Variants in NAT8L observed in about 807,000 individuals in gnomAD.
The protein encoded by NAT8L is aspartate N-acetyltransferase, also known as N-acetylaspartate synthetase.
Under a neutral mutation model 21.2 loss-of-function variants are expected in NAT8L, and 6 were observed. That is an observed-to-expected ratio of 0.28 (90% CI 0.16 to 0.56). NAT8L has a LOEUF of 0.56. Ranked by LOEUF, NAT8L falls within the 20% of genes least tolerant of loss-of-function variation. The probability of loss-of-function intolerance (pLI) is 0.93; values close to 1 mark genes in which losing one functional copy is unlikely to be tolerated. For synonymous variants in NAT8L, 239 were observed against 204.9 expected (o/e 1.17, Z -1.42); for missense variants, 331 against 433.3 (o/e 0.76, Z 2.10).
rs1380257615 is a variant in NAT8L at position 2,059,438 on chromosome 4, G to T, written c.-74G>T. 1.9e-5 allele frequency: 13 copies of T among 677,196 alleles called. No individual in the cohort carries two copies. The highest frequency in any genetic ancestry group is 2.3e-5 in the Non-Finnish European group (13 of 554,032). The allele number at this position is 677,196 out of a possible 1,614,324, so 41.9% of individuals were successfully genotyped here. A position where few individuals can be genotyped will look rare whatever the true frequency, so the allele number is the denominator to read the frequency against. Reference sequence around the variant, plus strand: ...GCCGCCGCGGGTCCGAGGGCGCCGCGCCCTTGCCCTGGGCCCGGCCGTGCC... The same window carrying T: ...GCCGCCGCGGGTCCGAGGGCGCCGCTCCCTTGCCCTGGGCCCGGCCGTGCC... On this transcript the variant is annotated 5_prime_UTR_variant, in exon 1 of 3. Coordinates refer to ENST00000423729, the MANE Select transcript of NAT8L (RefSeq NM_178557.4). The surrounding 1 kb of genome is among the most constrained non-coding windows in gnomAD (Gnocchi z 4.8).
In NAT8L at chr4:2,064,303, G is replaced by A. The variant is rs1019755455; in HGVS notation, c.*176G>A. The A allele has an allele frequency of 3.2e-6, 1 of 308,060 alleles. No homozygotes were observed. The highest frequency in any genetic ancestry group is 2.3e-5 in the African/African-American group (1 of 44,176). 19.1% of individuals were successfully genotyped at this position (308,060 alleles called of 1,614,324 possible). A position where few individuals can be genotyped will look rare whatever the true frequency, so the allele number is the denominator to read the frequency against. On this transcript the variant is annotated 3_prime_UTR_variant, in exon 3 of 3. Coordinates refer to ENST00000423729, the MANE Select transcript of NAT8L (RefSeq NM_178557.4). ...GGGGGTGCGGGGCTGTTGTTCTTCG[G>A]CGACACTTTGGTGGGGGTGGGTTGT... is the stretch of plus-strand genomic sequence containing the variant.
chr4:2,059,432 C>T lies in NAT8L; in HGVS notation c.-80C>T. On this transcript the variant is annotated 5_prime_UTR_variant, in exon 1 of 3. Coordinates refer to ENST00000423729, the MANE Select transcript of NAT8L (RefSeq NM_178557.4). This position sits in a 1 kb window ranked among gnomAD's most constrained non-coding sequence, Gnocchi z 4.8. ...GCCGCCGCCGCCGCGGGTCCGAGGG[C>T]GCCGCGCCCTTGCCCTGGGCCCGGC... The T allele has an allele frequency of 3.8e-5, 23 of 610,590 alleles. No homozygotes were observed. The highest frequency in any genetic ancestry group is 4.7e-5 in the Non-Finnish European group (23 of 491,170). 37.8% of individuals were successfully genotyped at this position (610,590 alleles called of 1,614,324 possible). A position where few individuals can be genotyped will look rare whatever the true frequency, so the allele number is the denominator to read the frequency against.
rs1053140518 is a variant in NAT8L, at chr4:2,060,396, G to A, written c.376+509G>A. On this transcript the variant is annotated intron_variant, in intron 1 of 2. Coordinates refer to ENST00000423729, the MANE Select transcript of NAT8L (RefSeq NM_178557.4). This position sits in a 1 kb window ranked among gnomAD's most constrained non-coding sequence, Gnocchi z 4.7. ...CTTCCCCTCAGAGCTTCCTGCCGGG[G>A]TGAGGGGGTTCGCTCCCATTTTACA... 2.0e-5 allele frequency among the ~76,000 whole-genome samples: 3 copies of A among 152,224 alleles called. No homozygotes were observed. Among genetic ancestry groups the A allele is most frequent in the Admixed American group, 2.0e-4 (3 of 15,294 alleles).
chr4:2,062,122 G>A (rs565095212), intron 2 of NAT8L, among the ~76,000 whole-genome samples: 4 of 152,298 alleles, frequency 2.6e-5, no homozygotes, highest in Admixed American at 1.3e-4. Flanking sequence ...GTGGGCACAC[G>A]GGGCATGGCC....
intron 2 of NAT8L, among the ~76,000 whole-genome samples, chr4:2,061,846 AG>A (rs1388521903): frequency 6.6e-6 from 1 of 152,036 alleles, no homozygotes; most frequent in Non-Finnish European, 1.5e-5. Context: ...GAGCGTCTGT[AG>A]GCCAACGAGA....
Position 2,066,312 on chromosome 4 carries a change from G to A in NAT8L, c.*2185G>A, listed in dbSNP as rs2108681933. On this transcript the variant is annotated 3_prime_UTR_variant, in exon 3 of 3. Coordinates refer to ENST00000423729, the MANE Select transcript of NAT8L (RefSeq NM_178557.4). ...TTGGCTGCACTGCCCTGTGGGTGGT[G>A]AGACGCTTGGCCTTTTTTGTTGCTG... The A allele has an allele frequency of 6.6e-6, 1 of 152,604 alleles. No individual in the cohort carries two copies. The highest frequency in any genetic ancestry group is 1.9e-4 in the East Asian group (1 of 5,178). The allele number at this position is 152,604 out of a possible 1,614,324, so 9.5% of individuals were successfully genotyped here.
rs372578097 is a variant in NAT8L at position 2,063,730 on chromosome 4, G to C, written c.542-30G>C. Reference sequence around the variant, plus strand: ...AGGGGTCTCCCCAGCCTTCCTCACCGGGTGTCCCTGACCGCCCTATCCCCT... The same window carrying C: ...AGGGGTCTCCCCAGCCTTCCTCACCCGGTGTCCCTGACCGCCCTATCCCCT... On this transcript the variant is annotated intron_variant, in intron 2 of 2. Transcript: ENST00000423729. 1.9e-6 allele frequency: 3 copies of C among 1,607,838 alleles called. No individual in the cohort carries two copies. The East Asian group carries it at 6.7e-5, about 36-fold the overall frequency.
chr4:2,059,476 G>A lies in NAT8L; in HGVS notation c.-36G>A, dbSNP rs1729808986. The A allele has an allele frequency of 5.3e-6, 5 of 943,988 alleles. No homozygotes were observed. The highest frequency in any genetic ancestry group is 6.3e-6 in the Non-Finnish European group (5 of 795,808). The allele number at this position is 943,988 out of a possible 1,614,324, so 58.5% of individuals were successfully genotyped here. On this transcript the variant is annotated 5_prime_UTR_variant, in exon 1 of 3. Transcript: ENST00000423729. This position sits in a 1 kb window ranked among gnomAD's most constrained non-coding sequence, Gnocchi z 4.8. Reference sequence around the variant, plus strand: ...GCCCGGCCGTGCCCGCCGCCGCCCGGCCGCGTCCCCGCTGCCGCGCCGCCC... The same window carrying A: ...GCCCGGCCGTGCCCGCCGCCGCCCGACCGCGTCCCCGCTGCCGCGCCGCCC...
intron 2 of NAT8L, among the ~76,000 whole-genome samples, chr4:2,061,546 G>A (rs1729890143): frequency 6.6e-6 from 1 of 152,216 alleles, no homozygotes; most frequent in African/African-American, 2.4e-5. Flanking sequence ...GTGTGGCAGG[G>A]GCCGGGGACC....
At position 2,064,140 on chromosome 4, in the gene NAT8L, GCCCGCCCGCCCC is replaced by G. The variant is rs1577668248; in HGVS notation, c.*18_*29del. The G allele has an allele frequency of 3.3e-6, 5 of 1,520,726 alleles. No individual in the cohort carries two copies. The highest frequency in any genetic ancestry group is 4.4e-6 in the Non-Finnish European group (5 of 1,136,822). 94.2% of individuals were successfully genotyped at this position (1,520,726 alleles called of 1,614,324 possible). A position where few individuals can be genotyped will look rare whatever the true frequency, so the allele number is the denominator to read the frequency against. ...GCGCGAGGAGTGACCGCCGCCGCTC[GCCCGCCCGCCCC>G]CCCGGCCGCCCTGTCCGCCTTTGCC... On this transcript the variant is annotated 3_prime_UTR_variant, in exon 3 of 3. Transcript: ENST00000423729.
Position 2,068,761 on chromosome 4 carries a change from C to A in NAT8L, c.*4634C>A, listed in dbSNP as rs1490318137. The A allele has an allele frequency of 6.6e-6, 1 of 152,210 alleles. No individual in the cohort carries two copies. Among genetic ancestry groups the A allele is most frequent in the Non-Finnish European group, 1.5e-5 (1 of 68,078 alleles). 9.4% of individuals were successfully genotyped at this position (152,210 alleles called of 1,614,324 possible). On this transcript the variant is annotated 3_prime_UTR_variant, in exon 3 of 3. Coordinates refer to ENST00000423729, the MANE Select transcript of NAT8L (RefSeq NM_178557.4). Reference sequence around the variant, plus strand: ...ACGGCTTCCCTGCTGGGCCCCAGGCCCCGGGCTGAGCCTCCCTGGCCCCTC... The same window carrying A: ...ACGGCTTCCCTGCTGGGCCCCAGGCACCGGGCTGAGCCTCCCTGGCCCCTC...
intron 2 of NAT8L, among the ~76,000 whole-genome samples, chr4:2,061,483 C>T (rs1038820464): frequency 2.3e-4 from 35 of 152,194 alleles, no homozygotes; most frequent in African/African-American, 7.2e-4. Flanking sequence ...ATCTGGTGTG[C>T]CTTGCGGGGA....
At chr4:2,061,291 C>G in intron 2 of NAT8L, 129 bp downstream of exon 2, 2 of 1,485,758 alleles carry the variant, frequency 1.3e-6, no homozygotes, top group Non-Finnish European at 1.8e-6. Flanking sequence ...CCCCTGTGAC[C>G]TGAGCCTTCT....
chr4:2,064,154 C>G lies in NAT8L; in HGVS notation c.*27C>G, dbSNP rs1457567698. The stretch of plus-strand genomic sequence containing the variant: ...CGCCGCCGCTCGCCCGCCCGCCCCC[C>G]CGGCCGCCCTGTCCGCCTTTGCCCG... On this transcript the variant is annotated 3_prime_UTR_variant, in exon 3 of 3. Coordinates refer to ENST00000423729, the MANE Select transcript of NAT8L (RefSeq NM_178557.4). The G allele has an allele frequency of 1.3e-5, 19 of 1,489,434 alleles. No individual in the cohort carries two copies. The highest frequency in any genetic ancestry group is 4.8e-4 in the Middle Eastern group (2 of 4,158). 92.3% of individuals were successfully genotyped at this position (1,489,434 alleles called of 1,614,324 possible).
chr4:2,064,560 C>G lies in NAT8L; in HGVS notation c.*433C>G, dbSNP rs972836743. The stretch of plus-strand genomic sequence containing the variant: ...GTGGAGGCCCCAGCTGGCCACGGCG[C>G]TGCTTTGCTCCGCGCATGCCGAGGG... On this transcript the variant is annotated 3_prime_UTR_variant, in exon 3 of 3. Transcript: ENST00000423729. 3.9e-5 allele frequency: 6 copies of G among 154,330 alleles called. No homozygotes were observed. Among genetic ancestry groups the G allele is most frequent in the African/African-American group, 1.4e-4 (6 of 41,436 alleles). 9.6% of individuals were successfully genotyped at this position (154,330 alleles called of 1,614,324 possible).
intron 2 of NAT8L, among the ~76,000 whole-genome samples, chr4:2,061,743 C>T (rs1258736228): frequency 2.0e-5 from 3 of 152,156 alleles, no homozygotes; most frequent in South Asian, 4.1e-4. Flanking sequence ...CTCGGGCTGG[C>T]CCCCAGCCGC....
In NAT8L at chr4:2,064,918, A is replaced by G. The variant is rs540688605; in HGVS notation, c.*791A>G. 1 of 152,538 alleles carries G rather than the reference A, an allele frequency of 6.6e-6. No homozygotes were observed. Among genetic ancestry groups the G allele is most frequent in the East Asian group, 1.9e-4 (1 of 5,156 alleles). The allele number at this position is 152,538 out of a possible 1,614,324, so 9.4% of individuals were successfully genotyped here. Reference sequence around the variant, plus strand: ...CATGGGACCCCTCTCCCCAGTGCCCACTGGATCGTGCTGGCCTCTCCCAGA... The same window carrying G: ...CATGGGACCCCTCTCCCCAGTGCCCGCTGGATCGTGCTGGCCTCTCCCAGA... On this transcript the variant is annotated 3_prime_UTR_variant, in exon 3 of 3. Coordinates refer to ENST00000423729, the MANE Select transcript of NAT8L (RefSeq NM_178557.4).
Position 2,061,131 on chromosome 4 carries a change from G to A in NAT8L, c.510G>A (p.Ala170=), listed in dbSNP as rs759388593. The change falls in exon 2 of 3, where the codon GCG becomes GCA. Residue 170 remains alanine, a synonymous_variant. Coordinates refer to ENST00000423729, the MANE Select transcript of NAT8L (RefSeq NM_178557.4). ...AGTGCGCGCTGCACACGGACATGGCGGACATCGAGCAGTACTACATGAAGC... is the reference window on the plus strand; with the variant it reads ...AGTGCGCGCTGCACACGGACATGGCAGACATCGAGCAGTACTACATGAAGC... The part of the protein sequence containing the change: ...YLECALHTDM[A]DIEQYYMKPP... 19 of 1,611,424 alleles carry A rather than the reference G, an allele frequency of 1.2e-5. No individual in the cohort carries two copies. The highest frequency in any genetic ancestry group is 2.2e-5 in the South Asian group (2 of 91,052).
chr4:2,062,274 G>A (rs968402489), intron 2 of NAT8L, among the ~76,000 whole-genome samples: 21 of 152,146 alleles, frequency 1.4e-4, no homozygotes, highest in African/African-American at 4.3e-4. Context: ...GTGCACATGG[G>A]GAAACCGAGT....
Sources: gnomAD v4.1 joint callset for allele counts (sites outside exome capture counted in the v4.1 genomes callset) on GRCh38, gnomAD v4.1.1 for gene constraint, Gnocchi (gnomAD v3.1) non-coding constraint, MANE v1.5 for transcripts, NCBI Gene and HGNC (gene_info 2026-07-23, HGNC 2026-07-21) for gene names.